DHX35: variants seen among roughly 807,000 people sequenced by gnomAD.
The protein encoded by DHX35 is probable ATP-dependent RNA helicase DHX35.
A neutral mutation model predicts 99.6 loss-of-function variants in DHX35; 84 were observed. That is an observed-to-expected ratio of 0.84 (90% CI 0.71 to 1.01). DHX35 has a LOEUF of 1.01. Ranked by LOEUF, DHX35 falls within the 50% of genes least tolerant of loss-of-function variation. The pLI is 0.00. For synonymous variants in DHX35, 331 were observed against 316.2 expected (o/e 1.05, Z -0.50); for missense variants, 852 against 888.5 (o/e 0.96, Z 0.52).
At chr20:39,033,392 AG>A (rs1451761954) in intron 20 of DHX35, among the ~76,000 whole-genome samples, 7 of 152,122 alleles carry the variant, frequency 4.6e-5, no homozygotes, top group Non-Finnish European at 1.0e-4. Flanking sequence ...GGGCAAAGAA[AG>A]GTTGGGGAAA....
At chr20:38,989,325 A>G (rs925167685) in intron 5 of DHX35, among the ~76,000 whole-genome samples, 1 of 138,174 alleles carries the variant, frequency 7.2e-6, no homozygotes, top group Non-Finnish European at 1.5e-5. Context: ...TGTGTTAGCC[A>G]GGATGGTCTC....
rs367752964 is a variant in DHX35, at chr20:38,980,398, C to T, written c.268-3301C>T. 7.2e-5 allele frequency among the ~76,000 whole-genome samples: 11 copies of T among 152,012 alleles called. No individual in the cohort carries two copies. The East Asian group carries it at 1.4e-3, about 19-fold the overall frequency. ...TATTGTTGATGATGATGTTACCTTCCTTATAGAATTTGTTTTGAGGATTAA... is the reference window on the plus strand; with the variant it reads ...TATTGTTGATGATGATGTTACCTTCTTTATAGAATTTGTTTTGAGGATTAA... On this transcript the variant is annotated intron_variant, in intron 3 of 21. Coordinates refer to ENST00000252011, the MANE Select transcript of DHX35 (RefSeq NM_021931.4).
chr20:38,988,984 CAT>C (rs2086292066), intron 5 of DHX35, 67 bp downstream of exon 5: 1 of 1,565,060 alleles, frequency 6.4e-7, no homozygotes, highest in East Asian at 2.3e-5. Flanking sequence ...GAATTAAAAA[CAT>C]GTAGTCCTTG....
intron 9 of DHX35, 76 bp from the exon 10 acceptor site, chr20:39,002,696 G>A: frequency 7.5e-7 from 1 of 1,339,740 alleles, no homozygotes; most frequent in African/African-American, 1.4e-5. Context: ...GAGCTTTGCT[G>A]CCAGATTATT....
At position 39,001,814 on chromosome 20, in the gene DHX35, T is replaced by C; in HGVS notation, c.727T>C (p.Phe243Leu). 6.2e-7 allele frequency: 1 copy of C among 1,613,410 alleles called. No individual in the cohort carries two copies. Among genetic ancestry groups the C allele is most frequent in the Non-Finnish European group, 8.5e-7 (1 of 1,179,516 alleles). Residue 243 changes from phenylalanine to leucine, a missense_variant, in exon 9 of 22, where the codon TTT becomes CTT. By Grantham distance (22) the Phe-to-Leu change is conservative (BLOSUM62 0). Transcript: ENST00000252011. ...GATCCTTACAGTGGAAGGGAGAACA[T>C]TTCCGGTGGATATCTTTTATCTACA... ...CVILTVEGRTFPVDIFYLQSP... is the reference protein window; with the variant it reads ...CVILTVEGRTLPVDIFYLQSP...
In DHX35 at chr20:39,023,806, C is replaced by A. The variant is rs149797748; in HGVS notation, c.1671+39C>A. 7.9e-4 allele frequency: 1,223 copies of A among 1,548,022 alleles called. 11 individuals are homozygous for A. The African/African-American group carries it at 0.013, about 17-fold the overall frequency. ...CTGCTCGAAGTGCCGCCTCAACACA[C>A]CACCCTCTGGAGGTGATCTAGGAGG... On this transcript the variant is annotated intron_variant, in intron 17 of 21. Transcript: ENST00000252011.
intron 1 of DHX35, among the ~76,000 whole-genome samples, chr20:38,966,146 T>A (rs1037738748): frequency 1.3e-5 from 2 of 152,246 alleles, no homozygotes; most frequent in Non-Finnish European, 2.9e-5. Context: ...GAATGAGGAA[T>A]TAGGGATATC....
chr20:38,976,034 C>A (rs1315714964), intron 3 of DHX35, among the ~76,000 whole-genome samples: 1 of 152,100 alleles, frequency 6.6e-6, no homozygotes, highest in Non-Finnish European at 1.5e-5. Context: ...ACAGAGAGGG[C>A]CTGCTGTGTT....
At chr20:38,966,077 A>C (rs549118567) in intron 1 of DHX35, among the ~76,000 whole-genome samples, 8 of 152,236 alleles carry the variant, frequency 5.3e-5, no homozygotes, top group Non-Finnish European at 1.0e-4. Context: ...GACATACTAC[A>C]TTGATTTCAT....
chr20:38,987,328 C>T lies in DHX35; in HGVS notation c.346-1485C>T, dbSNP rs182694301. Among the ~76,000 whole-genome samples, 12 of 152,272 alleles carry T rather than the reference C, an allele frequency of 7.9e-5. No individual in the cohort carries two copies. The East Asian group carries it at 2.3e-3, about 29-fold the overall frequency. ...GACCTCGGCTCATTGCAACCTCCAC[C>T]TCCCCGGGTTCAAGTGATTCTCCTG... On this transcript the variant is annotated intron_variant, in intron 4 of 21. Coordinates refer to ENST00000252011, the MANE Select transcript of DHX35 (RefSeq NM_021931.4).
In DHX35 at chr20:39,039,044, C is replaced by T. The variant is rs11552858; in HGVS notation, c.*501C>T. 1 of 160,926 alleles carries T rather than the reference C, an allele frequency of 6.2e-6. No individual in the cohort carries two copies. The highest frequency in any genetic ancestry group is 1.4e-5 in the Non-Finnish European group (1 of 73,972). The allele number at this position is 160,926 out of a possible 1,614,324, so 10.0% of individuals were successfully genotyped here. A position where few individuals can be genotyped will look rare whatever the true frequency, so the allele number is the denominator to read the frequency against. On this transcript the variant is annotated 3_prime_UTR_variant, in exon 22 of 22. Transcript: ENST00000252011. ...GAAACATTGGGGATCTCTGCCGAAA[C>T]CACCAAAGGGCATGTCTGATGGGCA...
intron 8 of DHX35, among the ~76,000 whole-genome samples, chr20:38,998,941 C>T (rs1203181315): frequency 2.6e-5 from 4 of 152,026 alleles, no homozygotes; most frequent in Non-Finnish European, 2.9e-5. Context: ...GGATTACAGG[C>T]GCCTGCCACC....
At chr20:39,004,045 A>T in intron 11 of DHX35, 138 bp downstream of exon 11, 5 of 974,106 alleles carry the variant, frequency 5.1e-6, no homozygotes, top group Non-Finnish European at 7.7e-6. Flanking sequence ...AAAAGCACAC[A>T]ATAAATAATA....
At chr20:39,036,320 A>G (rs1161063776) in intron 21 of DHX35, among the ~76,000 whole-genome samples, 1 of 152,248 alleles carries the variant, frequency 6.6e-6, no homozygotes, top group East Asian at 1.9e-4. Flanking sequence ...GAAAATAACA[A>G]GCCCAAATTT....
intron 7 of DHX35, 112 bp downstream of exon 7, chr20:38,992,537 A>G (rs68173814): frequency 0.19 from 185,343 of 986,718 alleles, 17,625 homozygotes; most frequent in Middle Eastern, 0.28. Context: ...GAAAATTAAA[A>G]TCATCCATAA....
intron 6 of DHX35, 142 bp downstream of exon 6, chr20:38,991,657 T>G (rs1601396295): frequency 1.5e-6 from 1 of 653,066 alleles, no homozygotes; most frequent in Admixed American, 3.3e-5. Context: ...GTTGGGACCC[T>G]TGGTGTTTTT....
chr20:39,021,976 T>C, intron 16 of DHX35, 41 bp downstream of exon 16: 1 of 1,601,820 alleles, frequency 6.2e-7, no homozygotes, highest in Non-Finnish European at 8.6e-7. Flanking sequence ...ACCAGTCTCT[T>C]TTGCTTTGAG....
chr20:38,980,511 G>GTTTTTTTTTTTTTTTTTTTTTTTTTTTTT (rs397953645), intron 3 of DHX35, among the ~76,000 whole-genome samples: 1 of 136,994 alleles, frequency 7.3e-6, no homozygotes, highest in African/African-American at 2.7e-5. Context: ...TTATAGTTCT[G>GTTTTTTTTTTTTTTTTTTTTTTTTTTTTT]TTTTTTTTTT....
chr20:38,963,249 T>A (rs191609149), intron 1 of DHX35, among the ~76,000 whole-genome samples: 5 of 152,364 alleles, frequency 3.3e-5, no homozygotes, highest in Admixed American at 2.6e-4. Context: ...CAAAAGTTTT[T>A]AAATTACAGC....
Sources: allele counts gnomAD v4.1 joint callset (sites outside exome capture counted in the v4.1 genomes callset), GRCh38; gene constraint gnomAD v4.1.1; transcripts MANE v1.5; gene names NCBI Gene and HGNC (gene_info 2026-07-23, HGNC 2026-07-21).